The following SLC17A6 variants were observed in gnomAD, a reference collection of about 807,000 sequenced individuals.
SLC17A6 encodes the protein vesicular glutamate transporter 2.
SLC17A6 carries 35 observed loss-of-function variants against 67.1 expected under a neutral mutation model. That is an observed-to-expected ratio of 0.52 (90% CI 0.40 to 0.69). SLC17A6 has a LOEUF of 0.69. SLC17A6 is among the 30% of genes least tolerant of loss of function. SLC17A6 has a pLI of 0.00. For missense variants in SLC17A6, 588 were observed against 723.9 expected (o/e 0.81, Z 2.15); for synonymous variants, 285 against 252.3 (o/e 1.13, Z -1.23).
At chr11:22,347,529 C>T (rs1362935470) in intron 3 of SLC17A6, among the ~76,000 whole-genome samples, 2 of 152,078 alleles carry the variant, frequency 1.3e-5, no homozygotes, top group African/African-American at 2.4e-5. Context: ...AGGAATAAAA[C>T]CTCTGTGACT....
intron 8 of SLC17A6, among the ~76,000 whole-genome samples, chr11:22,374,526 C>CAAAAAAA (rs11424894): frequency 6.8e-6 from 1 of 147,832 alleles, no homozygotes; most frequent in African/African-American, 2.5e-5. Context: ...CATTACGTGG[C>CAAAAAAA]AAAAAAAAAA....
intron 3 of SLC17A6, among the ~76,000 whole-genome samples, chr11:22,355,060 C>T (rs1266064300): frequency 2.0e-5 from 3 of 152,122 alleles, no homozygotes; most frequent in Non-Finnish European, 2.9e-5. Flanking sequence ...TCTTTAAATG[C>T]TTAGAGTGTG....
rs956484695 is a variant in SLC17A6 at position 22,338,679 on chromosome 11, T to G, written c.86+60T>G. 3 of 1,245,654 alleles carry G rather than the reference T, an allele frequency of 2.4e-6. No individual in the cohort carries two copies. In the Middle Eastern group the frequency reaches 5.7e-4, roughly 235 times the overall value. The allele number at this position is 1,245,654 out of a possible 1,614,324, so 77.2% of individuals were successfully genotyped here. Reference sequence around the variant, plus strand: ...CAGCATGAAAAAATCTGCAGGGCCGTTTCCGTAAACCCTGGTGGCTCAGAA... The same window carrying G: ...CAGCATGAAAAAATCTGCAGGGCCGGTTCCGTAAACCCTGGTGGCTCAGAA... On this transcript the variant is annotated intron_variant, in intron 1 of 11. Transcript: ENST00000263160.
chr11:22,368,053 T>C (rs1267176075), intron 7 of SLC17A6, among the ~76,000 whole-genome samples: 1 of 152,214 alleles, frequency 6.6e-6, no homozygotes, highest in Non-Finnish European at 1.5e-5. Flanking sequence ...TTTATTTCAC[T>C]TTTGTTTTGA....
chr11:22,358,473 G>T (rs1389076738), intron 3 of SLC17A6, among the ~76,000 whole-genome samples: 1 of 151,946 alleles, frequency 6.6e-6, no homozygotes, highest in Admixed American at 6.6e-5. Context: ...GATTACAGGC[G>T]CACACCACCA....
At chr11:22,372,471 G>A (rs187227810) in intron 8 of SLC17A6, among the ~76,000 whole-genome samples, 255 of 151,820 alleles carry the variant, frequency 1.7e-3, no homozygotes, top group African/African-American at 5.8e-3. Context: ...TGGCATATCA[G>A]CGGGTCAGTG....
chr11:22,342,953 G>T (rs1403317482), intron 2 of SLC17A6: 1 of 516,198 alleles, frequency 1.9e-6, no homozygotes, highest in East Asian at 5.2e-5. Context: ...TTTCCAAGAC[G>T]GGGGCCCTCT....
intron 3 of SLC17A6, among the ~76,000 whole-genome samples, chr11:22,357,769 T>C (rs1351306753): frequency 6.6e-6 from 1 of 152,210 alleles, no homozygotes; most frequent in Non-Finnish European, 1.5e-5. Flanking sequence ...ACATATTAGC[T>C]AAACCTGGAT....
intron 8 of SLC17A6, 131 bp downstream of exon 8, chr11:22,370,319 T>C: frequency 1.4e-6 from 1 of 731,994 alleles, no homozygotes; most frequent in Non-Finnish European, 2.2e-6. Flanking sequence ...AAATAACTGC[T>C]AGGAAATAGA....
intron 3 of SLC17A6, among the ~76,000 whole-genome samples, chr11:22,348,396 T>TTG (rs1855901845): frequency 6.6e-6 from 1 of 152,098 alleles, no homozygotes; most frequent in Non-Finnish European, 1.5e-5. Flanking sequence ...ACTGAATTTT[T>TTG]TGTGTGTGTG....
rs1295354771 is a variant in SLC17A6 at position 22,376,156 on chromosome 11, C to T, written c.1285+64C>T. On this transcript the variant is annotated intron_variant, in intron 10 of 11. Transcript: ENST00000263160. ...TGATTTTGACTGCTGATAAAAGACACATACATATACCTTTTTATAGATATC... is the reference window on the plus strand; with the variant it reads ...TGATTTTGACTGCTGATAAAAGACATATACATATACCTTTTTATAGATATC... The T allele has an allele frequency of 6.9e-6, 7 of 1,016,662 alleles. No homozygotes were observed. In the Admixed American group the frequency reaches 1.2e-4, roughly 17 times the overall value. The allele number at this position is 1,016,662 out of a possible 1,614,324, so 63.0% of individuals were successfully genotyped here. A position where few individuals can be genotyped will look rare whatever the true frequency, so the allele number is the denominator to read the frequency against.
At chr11:22,357,022 G>T (rs1855999135) in intron 3 of SLC17A6, among the ~76,000 whole-genome samples, 1 of 152,174 alleles carries the variant, frequency 6.6e-6, no homozygotes, top group African/African-American at 2.4e-5. Context: ...TTTGAATGCT[G>T]AAGTATATTA....
intron 4 of SLC17A6, among the ~76,000 whole-genome samples, chr11:22,360,110 T>TA (rs11406721): frequency 0.37 from 52,035 of 141,996 alleles, 10,753 homozygotes; most frequent in African/African-American, 0.59. Flanking sequence ...ATTAAGGCAC[T>TA]AAAAAAAAAA....
Position 22,376,553 on chromosome 11 carries a change from G to A in SLC17A6, c.1294G>A (p.Val432Ile). The change falls in exon 11 of 12, where the codon GTT becomes ATT. Residue 432 changes from valine (V) to isoleucine (I), a missense_variant. Transcript: ENST00000263160. ...TTATGTGTGTATTTCAGGTTTCAAT[G>A]TTAACCACTTGGATATCGCTCCAAG... The part of the protein sequence containing the change: ...FSGFAISGFN[V>I]NHLDIAPRYA... 6.2e-7 allele frequency: 1 copy of A among 1,613,878 alleles called. No homozygotes were observed. The highest frequency in any genetic ancestry group is 8.5e-7 in the Non-Finnish European group (1 of 1,179,898).
chr11:22,376,236 G>A, intron 10 of SLC17A6, 144 bp downstream of exon 10: 1 of 581,328 alleles, frequency 1.7e-6, no homozygotes, highest in Non-Finnish European at 2.8e-6. Context: ...ACTAGAAAAT[G>A]AAAAAAATAA....
intron 3 of SLC17A6, among the ~76,000 whole-genome samples, chr11:22,347,681 TTA>T (rs1309063014): frequency 2.0e-5 from 3 of 152,306 alleles, no homozygotes; most frequent in African/African-American, 7.2e-5. Flanking sequence ...CAAATTGAAA[TTA>T]TTGTTCACTA....
At chr11:22,364,801 T>A (rs1228128852) in intron 6 of SLC17A6, among the ~76,000 whole-genome samples, 2 of 152,086 alleles carry the variant, frequency 1.3e-5, no homozygotes, top group Admixed American at 6.6e-5. Context: ...CAGATTTATA[T>A]CGCACAAAAA....
intron 2 of SLC17A6, 52 bp downstream of exon 2, chr11:22,341,832 CA>C: frequency 6.3e-7 from 1 of 1,594,230 alleles, no homozygotes. Context: ...TGCGGCCTCG[CA>C]AAACCACATC....
At chr11:22,364,181 T>C (rs538462386) in intron 6 of SLC17A6, among the ~76,000 whole-genome samples, 2 of 152,188 alleles carry the variant, frequency 1.3e-5, no homozygotes, top group East Asian at 3.9e-4. Flanking sequence ...ATTTTAAAGA[T>C]TAAAGAGATA....
Sources: allele counts gnomAD v4.1 joint callset (sites outside exome capture counted in the v4.1 genomes callset), GRCh38; gene constraint gnomAD v4.1.1; transcripts MANE v1.5; gene names NCBI Gene and HGNC (gene_info 2026-07-23, HGNC 2026-07-21).